The following ABCA1 variants were observed in gnomAD, a reference collection of about 807,000 sequenced individuals.
The protein encoded by ABCA1 is phospholipid-transporting ATPase ABCA1.
ABCA1 carries 133 observed loss-of-function variants against 262.5 expected under a neutral mutation model. The ratio of observed to expected loss-of-function variants is 0.51; its 90% CI spans 0.44 to 0.59. The LOEUF (loss-of-function observed/expected upper bound fraction) is 0.59. Ranked by LOEUF, ABCA1 falls within the 20% of genes least tolerant of loss-of-function variation. The pLI, the probability that ABCA1 is intolerant of heterozygous loss-of-function variation, is 0.00. For missense variants in ABCA1, 2,452 were observed against 2,777.5 expected, an observed-to-expected ratio of 0.88 and a Z score of 2.63; for synonymous variants, 1,022 against 1,043.5, an observed-to-expected ratio of 0.98 and a Z score of 0.40.
chr9:104,894,656 A>C (rs1840048020), intron 2 of ABCA1, among the ~76,000 whole-genome samples: 2 of 152,238 alleles, frequency 1.3e-5, no homozygotes, highest in South Asian at 2.1e-4. Flanking sequence ...CTCTGACTGA[A>C]GGGCTCCTTC....
At chr9:104,815,365 T>C (rs1733833576) in intron 25 of ABCA1, among the ~76,000 whole-genome samples, 1 of 152,202 alleles carries the variant, frequency 6.6e-6, no homozygotes, top group South Asian at 2.1e-4. Flanking sequence ...TTTAATAATA[T>C]CCCCAGGTGA....
chr9:104,785,750 C>T, intron 48 of ABCA1, 111 bp from the exon 49 acceptor site: 1 of 1,331,096 alleles, frequency 7.5e-7, no homozygotes, highest in East Asian at 2.3e-5. Flanking sequence ...CCCTGGCAGG[C>T]CCAGAAATAA....
intron 18 of ABCA1, among the ~76,000 whole-genome samples, chr9:104,823,929 T>C (rs1832595143): frequency 6.6e-6 from 1 of 152,194 alleles, no homozygotes; most frequent in Non-Finnish European, 1.5e-5. Context: ...GAAGCCACTC[T>C]AAGCACAAAG....
chr9:104,900,054 C>T (rs1840537940), intron 2 of ABCA1, among the ~76,000 whole-genome samples: 1 of 152,188 alleles, frequency 6.6e-6, no homozygotes, highest in Non-Finnish European at 1.5e-5. Context: ...ATGGTCCCCC[C>T]TCAGTCTGCA....
In ABCA1 at chr9:104,838,040, T is replaced by G. The variant is rs1012567045; in HGVS notation, c.1055-473A>C. ...TCAGTTTTCAAGCAAAAACCAAAAT[T>G]TGGGGCTGGGCGCAGTGGCTCATGC... On this transcript the variant is annotated intron_variant, in intron 9 of 49. Coordinates refer to ENST00000374736, the MANE Select transcript of ABCA1 (RefSeq NM_005502.4). Among the ~76,000 whole-genome samples the G allele has an allele frequency of 2.6e-5, 4 of 152,042 alleles. 1 individual carries two copies. In the South Asian group the frequency reaches 6.2e-4, roughly 24 times the overall value.
chr9:104,882,028 TAAAAAAAAAAAAAAAAA>T (rs557626075), intron 5 of ABCA1, among the ~76,000 whole-genome samples: 2 of 73,748 alleles, frequency 2.7e-5, no homozygotes, highest in Non-Finnish European at 5.2e-5. Flanking sequence ...TCTGTAGCCT[TAAAAAAAAAAAAAAAAA>T]AAAAAAAAAA....
intron 46 of ABCA1, 182 bp downstream of exon 46, chr9:104,787,738 A>T (rs1439859680): frequency 1.4e-6 from 1 of 735,068 alleles, no homozygotes; most frequent in Admixed American, 6.3e-5. Context: ...ATCTGCAGGC[A>T]TGGTACAGCC....
chr9:104,893,742 G>A (rs1412102788), intron 2 of ABCA1, among the ~76,000 whole-genome samples: 1 of 152,108 alleles, frequency 6.6e-6, no homozygotes, highest in Non-Finnish European at 1.5e-5. Flanking sequence ...TCAGTAGCGG[G>A]GTTGAGATGA....
At chr9:104,807,833 AAT>A (rs756381578) in intron 30 of ABCA1, among the ~76,000 whole-genome samples, 17 of 137,802 alleles carry the variant, frequency 1.2e-4, no homozygotes, top group Middle Eastern at 3.6e-3. Context: ...AAATAAATAA[AAT>A]ATATATATAT....
At chr9:104,839,201 T>C (rs532825601) in intron 9 of ABCA1, among the ~76,000 whole-genome samples, 62 of 151,704 alleles carry the variant, frequency 4.1e-4, no homozygotes, top group African/African-American at 1.4e-3. Context: ...GTGTGGGGAG[T>C]GGATATGGAG....
chr9:104,811,511 A>T (rs978876574), intron 28 of ABCA1, among the ~76,000 whole-genome samples: 1 of 152,216 alleles, frequency 6.6e-6, no homozygotes, highest in Non-Finnish European at 1.5e-5. Context: ...GAAAGAATAA[A>T]TATCCAATTC....
Position 104,821,702 on chromosome 9 carries a change from T to C in ABCA1, c.2829-196A>G, listed in dbSNP as rs546821846. On this transcript the variant is annotated intron_variant, in intron 19 of 49. Coordinates refer to ENST00000374736, the MANE Select transcript of ABCA1 (RefSeq NM_005502.4). ...AATAACTACAAGTGGGCCTATGGGTTAGAAATGCCAATTTTAGTATGAGCA... is the reference window on the plus strand; with the variant it reads ...AATAACTACAAGTGGGCCTATGGGTCAGAAATGCCAATTTTAGTATGAGCA... Among the ~76,000 whole-genome samples, 439 of 152,364 alleles carry C rather than the reference T, an allele frequency of 2.9e-3. 2 individuals are homozygous for C. Among genetic ancestry groups the C allele is most frequent in the Non-Finnish European group, 4.3e-3 (294 of 68,036 alleles).
At chr9:104,830,788 G>T in intron 14 of ABCA1, 137 bp downstream of exon 14, 1 of 945,856 alleles carries the variant, frequency 1.1e-6, no homozygotes, top group Non-Finnish European at 1.7e-6. Flanking sequence ...CTGTCATGTG[G>T]CTGCAACTGT....
chr9:104,851,664 C>T (rs142110757), intron 7 of ABCA1, among the ~76,000 whole-genome samples: 70 of 152,318 alleles, frequency 4.6e-4, no homozygotes, highest in Non-Finnish European at 8.5e-4. Context: ...CCCAGCAGAG[C>T]GTCTCCTGCT....
rs1457022356 is a variant in ABCA1, at chr9:104,812,734, C to G, written c.3902-12G>C. ...TGTCTCTCTGGATTCTGCAAGAAGC[C>G]AACACTGAAGGTCACCTATTATCTT... On this transcript the variant is annotated splice_polypyrimidine_tract_variant and intron_variant, in intron 27 of 49. Coordinates refer to ENST00000374736, the MANE Select transcript of ABCA1 (RefSeq NM_005502.4). 2 of 1,614,190 alleles carry G rather than the reference C, an allele frequency of 1.2e-6. No individual in the cohort carries two copies. The highest frequency in any genetic ancestry group is 8.5e-7 in the Non-Finnish European group (1 of 1,180,036).
intron 33 of ABCA1, 88 bp from the exon 34 acceptor site, chr9:104,802,247 A>T: frequency 8.2e-7 from 1 of 1,216,394 alleles, no homozygotes; most frequent in Non-Finnish European, 1.2e-6. Flanking sequence ...TACAAGGTTC[A>T]CTGAGTCAAA....
chr9:104,842,810 T>A (rs948422828), intron 8 of ABCA1, among the ~76,000 whole-genome samples: 3 of 152,140 alleles, frequency 2.0e-5, no homozygotes, highest in African/African-American at 7.2e-5. Flanking sequence ...GATCACATCA[T>A]GTCCCCTCCC....
At chr9:104,906,843 C>A (rs973779263) in intron 1 of ABCA1, among the ~76,000 whole-genome samples, 1 of 151,536 alleles carries the variant, frequency 6.6e-6, no homozygotes, top group African/African-American at 2.4e-5. Context: ...TGCCCTCATA[C>A]ACATTTCCAG....
At chr9:104,787,051 A>C in intron 46 of ABCA1, 75 bp from the exon 47 acceptor site, 1 of 1,339,760 alleles carries the variant, frequency 7.5e-7, no homozygotes, top group Non-Finnish European at 1.1e-6. Flanking sequence ...TTAAATGCAG[A>C]AGCATCTTTG....
Sources: gnomAD v4.1 joint callset for allele counts (sites outside exome capture counted in the v4.1 genomes callset) on GRCh38, gnomAD v4.1.1 for gene constraint, MANE v1.5 for transcripts, NCBI Gene and HGNC (gene_info 2026-07-23, HGNC 2026-07-21) for gene names.